The following ADAMTS17 variants were observed in gnomAD, a reference collection of about 807,000 sequenced individuals.
The protein encoded by ADAMTS17 is A disintegrin and metalloproteinase with thrombospondin motifs 17.
ADAMTS17 carries 113 observed loss-of-function variants against 141.5 expected under a neutral mutation model. The ratio of observed to expected loss-of-function variants is 0.80; its 90% CI spans 0.69 to 0.93. The LOEUF (loss-of-function observed/expected upper bound fraction) is 0.93, where lower values mean the gene tolerates loss of function less well. ADAMTS17 is among the 40% of genes least tolerant of loss of function. The probability of loss-of-function intolerance (pLI) is 0.00; values close to 1 mark genes in which losing one functional copy is unlikely to be tolerated. For missense variants in ADAMTS17, 1,659 were observed against 1,517.9 expected (o/e 1.09, Z -1.54); for synonymous variants, 768 against 630.6 (o/e 1.22, Z -3.27).
chr15:100,268,460 AT>A (rs1410266121), intron 4 of ADAMTS17, among the ~76,000 whole-genome samples: 1 of 151,958 alleles, frequency 6.6e-6, no homozygotes, highest in African/African-American at 2.4e-5. Flanking sequence ...AGCATCTGTT[AT>A]TTTTCTGACT....
At position 100,096,027 on chromosome 15, in the gene ADAMTS17, C is replaced by T. The variant is rs28652668; in HGVS notation, c.2137+329G>A. Among the ~76,000 whole-genome samples the T allele has an allele frequency of 0.2, 29,713 of 152,082 alleles. 3,468 individuals are homozygous for T. Among genetic ancestry groups the T allele is most frequent in the East Asian group, 0.47 (2,436 of 5,142 alleles). Reference sequence around the variant, plus strand: ...AGGTAAAATGATTTGGCAGGTGTCTCTCCCACCTTCTCTGCCTGTGCATCA... The same window carrying T: ...AGGTAAAATGATTTGGCAGGTGTCTTTCCCACCTTCTCTGCCTGTGCATCA... On this transcript the variant is annotated intron_variant, in intron 15 of 21. Coordinates refer to ENST00000268070, the MANE Select transcript of ADAMTS17 (RefSeq NM_139057.4).
chr15:100,333,683 G>C (rs935534646), intron 2 of ADAMTS17, among the ~76,000 whole-genome samples: 2 of 152,224 alleles, frequency 1.3e-5, no homozygotes, highest in African/African-American at 4.8e-5. Flanking sequence ...CCCAAAAGCT[G>C]AGCAGGGCTT....
At position 100,102,104 on chromosome 15, in the gene ADAMTS17, C is replaced by T. The variant is rs2036135435; in HGVS notation, c.2017-5628G>A. 6.6e-5 allele frequency among the ~76,000 whole-genome samples: 10 copies of T among 152,346 alleles called. No homozygotes were observed. The South Asian group carries it at 1.9e-3, about 28-fold the overall frequency. Reference sequence around the variant, plus strand: ...GTCTCAAAATTAGTTTCCCTGCATGCTTGCTTGATAGTTTGGCTGCACGGA... The same window carrying T: ...GTCTCAAAATTAGTTTCCCTGCATGTTTGCTTGATAGTTTGGCTGCACGGA... On this transcript the variant is annotated intron_variant, in intron 14 of 21. Coordinates refer to ENST00000268070, the MANE Select transcript of ADAMTS17 (RefSeq NM_139057.4).
rs2060228773 is a variant in ADAMTS17 at position 99,972,334 on chromosome 15, A to C, written c.*2068T>G. The C allele has an allele frequency of 6.6e-6, 1 of 152,204 alleles. No homozygotes were observed. The highest frequency in any genetic ancestry group is 1.5e-5 in the Non-Finnish European group (1 of 68,050). The allele number at this position is 152,204 out of a possible 1,614,324, so 9.4% of individuals were successfully genotyped here. On this transcript the variant is annotated 3_prime_UTR_variant, in exon 22 of 22. Coordinates refer to ENST00000268070, the MANE Select transcript of ADAMTS17 (RefSeq NM_139057.4). ...AGGGGAACTAATGGGGGTATCTGAC[A>C]ATAACCCAATCAATCCTTTTCATTC...
At chr15:100,292,950 A>G (rs1326339814) in intron 3 of ADAMTS17, among the ~76,000 whole-genome samples, 1 of 152,240 alleles carries the variant, frequency 6.6e-6, no homozygotes. Context: ...AAGACCCCAC[A>G]GAGGGACCAT....
chr15:100,085,069 C>T (rs8041746), intron 15 of ADAMTS17, among the ~76,000 whole-genome samples: 49,692 of 151,708 alleles, frequency 0.33, 10,431 homozygotes, highest in East Asian at 0.58. Flanking sequence ...AGTTCGAACC[C>T]ATGGCAAAGA....
intron 13 of ADAMTS17, among the ~76,000 whole-genome samples, chr15:100,114,189 G>A (rs1247578702): frequency 1.5e-4 from 23 of 148,776 alleles, no homozygotes; most frequent in African/African-American, 5.0e-4. Flanking sequence ...AAAAGGAAGA[G>A]GAAAAAAAAG....
At chr15:100,070,229 C>A (rs1294278272) in intron 15 of ADAMTS17, among the ~76,000 whole-genome samples, 1 of 147,574 alleles carries the variant, frequency 6.8e-6, no homozygotes, top group Non-Finnish European at 1.5e-5. Flanking sequence ...CAGGAGCACC[C>A]AGATTCATAA....
intron 18 of ADAMTS17, among the ~76,000 whole-genome samples, chr15:100,045,134 C>T (rs2031583632): frequency 6.9e-6 from 1 of 144,984 alleles, no homozygotes; most frequent in Non-Finnish European, 1.5e-5. Context: ...TTAGAAGCCA[C>T]ATTAAAATAA....
At chr15:100,139,012 T>C (rs946707762) in intron 10 of ADAMTS17, among the ~76,000 whole-genome samples, 12 of 152,222 alleles carry the variant, frequency 7.9e-5, no homozygotes, top group Admixed American at 2.0e-4. Context: ...TTTTGGGCGA[T>C]GGACCTGTTT....
chr15:100,126,430 G>T (rs1489583938), intron 12 of ADAMTS17: 1 of 152,234 alleles, frequency 6.6e-6, no homozygotes, highest in Non-Finnish European at 1.5e-5. Flanking sequence ...TTCTCTTACT[G>T]GGGAAAAACA....
At chr15:100,286,859 G>A (rs2044464011) in intron 3 of ADAMTS17, among the ~76,000 whole-genome samples, 1 of 152,108 alleles carries the variant, frequency 6.6e-6, no homozygotes, top group South Asian at 2.1e-4. Flanking sequence ...TGAGATTCAG[G>A]AGAAAGTTGA....
intron 3 of ADAMTS17, among the ~76,000 whole-genome samples, chr15:100,329,278 C>T (rs1235683109): frequency 6.6e-6 from 1 of 152,122 alleles, no homozygotes; most frequent in South Asian, 2.1e-4. Flanking sequence ...GTGGCTCATG[C>T]CTATAATCCC....
At chr15:100,174,571 G>A (rs933160414) in intron 8 of ADAMTS17, among the ~76,000 whole-genome samples, 1 of 152,118 alleles carries the variant, frequency 6.6e-6, no homozygotes, top group African/African-American at 2.4e-5. Context: ...CTCTTCTAAA[G>A]CAATACTTTT....
chr15:100,160,935 A>G (rs1463118135), intron 8 of ADAMTS17, among the ~76,000 whole-genome samples: 1 of 152,220 alleles, frequency 6.6e-6, no homozygotes, highest in African/African-American at 2.4e-5. Context: ...ACTTTGACTG[A>G]GAAACTCATA....
intron 20 of ADAMTS17, 92 bp downstream of exon 20, chr15:99,992,956 G>A (rs893047056): frequency 2.4e-5 from 36 of 1,530,294 alleles, no homozygotes; most frequent in Middle Eastern, 2.1e-4. Context: ...GGACTGCCGC[G>A]TAGAATTGGG....
At chr15:100,311,622 C>T (rs1392033852) in intron 3 of ADAMTS17, among the ~76,000 whole-genome samples, 3 of 152,168 alleles carry the variant, frequency 2.0e-5, no homozygotes, top group African/African-American at 7.2e-5. Flanking sequence ...TGTCCAATTC[C>T]TCTGTTTGGT....
intron 20 of ADAMTS17, among the ~76,000 whole-genome samples, chr15:99,982,593 T>C (rs2060503730): frequency 6.6e-6 from 1 of 152,200 alleles, no homozygotes; most frequent in Non-Finnish European, 1.5e-5. Flanking sequence ...CCTGATAGCA[T>C]CGAATTTGCC....
chr15:100,241,341 GA>G (rs1459659244), intron 7 of ADAMTS17, among the ~76,000 whole-genome samples: 6 of 152,230 alleles, frequency 3.9e-5, no homozygotes, highest in Non-Finnish European at 7.3e-5. Context: ...CCTGAACGTA[GA>G]GATAGGGCCA....
Sources: allele counts gnomAD v4.1 joint callset (sites outside exome capture counted in the v4.1 genomes callset), GRCh38; gene constraint gnomAD v4.1.1; transcripts MANE v1.5; gene names NCBI Gene and HGNC (gene_info 2026-07-23, HGNC 2026-07-21).